Variants in MORC1 observed in about 807,000 individuals in gnomAD.
MORC1 encodes MORC family CW-type zinc finger 1, also known as MORC family CW-type zinc finger protein 1.
In MORC1, 59 loss-of-function variants were observed where a neutral mutation model predicts 134.9. That is an observed-to-expected ratio of 0.44 (90% CI 0.35 to 0.54). MORC1 has a LOEUF of 0.54. Ranked by LOEUF, MORC1 falls within the 20% of genes least tolerant of loss-of-function variation. MORC1 has a pLI of 0.00. For synonymous variants in MORC1, 395 were observed against 391.7 expected (o/e 1.01, Z -0.10); for missense variants, 947 against 1,134.5 (o/e 0.83, Z 2.37).
chr3:109,032,177 A>G (rs182025854), intron 16 of MORC1, among the ~76,000 whole-genome samples: 16 of 152,286 alleles, frequency 1.1e-4, no homozygotes, highest in African/African-American at 3.9e-4. Context: ...TGCTTTTGTT[A>G]AAGGGGAATA....
intron 17 of MORC1, among the ~76,000 whole-genome samples, chr3:109,023,103 T>C (rs1412515576): frequency 6.6e-6 from 1 of 152,192 alleles, no homozygotes; most frequent in Non-Finnish European, 1.5e-5. Context: ...ATGAAGGAGA[T>C]ACTTTTCTAA....
intron 21 of MORC1, among the ~76,000 whole-genome samples, chr3:108,998,651 T>C (rs996975559): frequency 6.6e-5 from 10 of 152,160 alleles, no homozygotes; most frequent in African/African-American, 2.4e-4. Context: ...TTTTTTAATT[T>C]CTAGGTTTAA....
chr3:109,114,369 A>G lies in MORC1; in HGVS notation c.119+15T>C, dbSNP rs74558340. The G allele has an allele frequency of 6.0e-3, 9,550 of 1,602,274 alleles. 442 individuals are homozygous for G. The African/African-American group carries it at 0.11, about 18-fold the overall frequency. On this transcript the variant is annotated intron_variant, in intron 2 of 27. Coordinates refer to ENST00000232603, the MANE Select transcript of MORC1 (RefSeq NM_014429.4). ...GAAATTCCCTCAGTAACTGTTGTTTACAGATAAACCTTACCTTGCATTGTC... is the reference window on the plus strand; with the variant it reads ...GAAATTCCCTCAGTAACTGTTGTTTGCAGATAAACCTTACCTTGCATTGTC...
intron 17 of MORC1, among the ~76,000 whole-genome samples, chr3:109,020,963 TAA>T: frequency 6.6e-6 from 1 of 152,080 alleles, no homozygotes. Context: ...ATTCAAAATG[TAA>T]AGTTAGGTCC....
intron 8 of MORC1, among the ~76,000 whole-genome samples, chr3:109,074,676 CT>C (rs1436861784): frequency 6.6e-6 from 1 of 152,182 alleles, no homozygotes; most frequent in Non-Finnish European, 1.5e-5. Context: ...AGAAAATTAT[CT>C]AGACATTGAC....
intron 8 of MORC1, among the ~76,000 whole-genome samples, chr3:109,091,662 G>A (rs1950731623): frequency 6.6e-6 from 1 of 151,944 alleles, no homozygotes; most frequent in Non-Finnish European, 1.5e-5. Flanking sequence ...TCGTGTCAGA[G>A]GCCATGAAAT....
chr3:108,996,307 C>CACACACACACACACA (rs1052240440), intron 21 of MORC1, among the ~76,000 whole-genome samples: 1 of 148,416 alleles, frequency 6.7e-6, no homozygotes, highest in African/African-American at 2.5e-5. Flanking sequence ...CACACACACA[C>CACACACACACACACA]AACTAGAATT....
At chr3:109,043,197 G>C (rs1476668620) in intron 14 of MORC1, among the ~76,000 whole-genome samples, 2 of 123,884 alleles carry the variant, frequency 1.6e-5, no homozygotes, top group Non-Finnish European at 3.4e-5. Flanking sequence ...GTGGGGGGGG[G>C]GGGGTGTGTA....
chr3:109,117,063 T>C (rs773349827), intron 1 of MORC1, among the ~76,000 whole-genome samples: 1 of 152,212 alleles, frequency 6.6e-6, no homozygotes, highest in Non-Finnish European at 1.5e-5. Context: ...GAAACTATTA[T>C]TTCTTCATTT....
chr3:109,058,941 T>G (rs561155204), intron 12 of MORC1, among the ~76,000 whole-genome samples: 1 of 152,242 alleles, frequency 6.6e-6, no homozygotes, highest in African/African-American at 2.4e-5. Flanking sequence ...TCTCATACAG[T>G]GAACTTGTTT....
chr3:109,100,649 C>A (rs1272640571), intron 4 of MORC1, 142 bp from the exon 5 acceptor site: 3 of 653,062 alleles, frequency 4.6e-6, no homozygotes, highest in Non-Finnish European at 8.2e-6. Context: ...GGATTTTCAT[C>A]AGAATCCACA....
chr3:108,988,584 A>T (rs1313162854), intron 21 of MORC1, among the ~76,000 whole-genome samples: 1 of 152,204 alleles, frequency 6.6e-6, no homozygotes, highest in East Asian at 1.9e-4. Context: ...TATAAGCAGC[A>T]TAGACTATTA....
intron 17 of MORC1, among the ~76,000 whole-genome samples, chr3:109,015,899 T>G (rs1948806544): frequency 6.6e-6 from 1 of 152,164 alleles, no homozygotes; most frequent in East Asian, 1.9e-4. Context: ...ACAGAAGTGA[T>G]TCCCAGGACA....
chr3:109,110,712 T>C, intron 3 of MORC1, 37 bp downstream of exon 3: 1 of 1,523,848 alleles, frequency 6.6e-7, no homozygotes, highest in Non-Finnish European at 8.9e-7. Flanking sequence ...AGTCTTTCCA[T>C]TAGAAGAAAA....
At chr3:109,074,897 G>C (rs575246979) in intron 8 of MORC1, among the ~76,000 whole-genome samples, 1 of 152,192 alleles carries the variant, frequency 6.6e-6, no homozygotes, top group Non-Finnish European at 1.5e-5. Context: ...ATATGAAGTA[G>C]ATGATGTTAT....
intron 13 of MORC1, among the ~76,000 whole-genome samples, chr3:109,056,153 T>C (rs1949955624): frequency 6.6e-6 from 1 of 152,196 alleles, no homozygotes; most frequent in East Asian, 1.9e-4. Flanking sequence ...GCCAGATAAC[T>C]GGAAGCCCAT....
At chr3:108,968,259 T>A (rs1040099893) in intron 26 of MORC1, among the ~76,000 whole-genome samples, 10 of 152,218 alleles carry the variant, frequency 6.6e-5, no homozygotes, top group Non-Finnish European at 1.3e-4. Context: ...AAAAATAAAT[T>A]CACTTTTCAG....
At chr3:109,095,654 G>A (rs907926226) in intron 6 of MORC1, among the ~76,000 whole-genome samples, 1 of 152,172 alleles carries the variant, frequency 6.6e-6, no homozygotes, top group Non-Finnish European at 1.5e-5. Flanking sequence ...GCACCTTACT[G>A]AGATTAGATA....
intron 17 of MORC1, among the ~76,000 whole-genome samples, chr3:109,019,702 A>G (rs1948909810): frequency 6.6e-6 from 1 of 152,206 alleles, no homozygotes; most frequent in African/African-American, 2.4e-5. Flanking sequence ...TAACAATCAT[A>G]GCATTGTAAT....
Sources: gnomAD v4.1 joint callset for allele counts (sites outside exome capture counted in the v4.1 genomes callset) on GRCh38, gnomAD v4.1.1 for gene constraint, MANE v1.5 for transcripts, NCBI Gene and HGNC (gene_info 2026-07-23, HGNC 2026-07-21) for gene names.